MICALL2: variants seen among roughly 807,000 people sequenced by gnomAD.
The protein encoded by MICALL2 is MICAL like 2.
A neutral mutation model predicts 91.1 loss-of-function variants in MICALL2; 111 were observed. The ratio of observed to expected loss-of-function variants is 1.22; its 90% confidence interval spans 1.04 to 1.43. The LOEUF is 1.43. MICALL2 is among the 40% of genes most tolerant of loss of function. The probability of loss-of-function intolerance (pLI) is 0.00; values close to 1 mark genes in which losing one functional copy is unlikely to be tolerated. For synonymous variants in MICALL2, 694 were observed against 525.3 expected (o/e 1.32, Z -4.39); for missense variants, 1,556 against 1,236.0 (o/e 1.26, Z -3.88).
chr7:1,444,843 G>T lies in MICALL2; in HGVS notation c.1227C>A (p.Ser409=). The part of the protein sequence containing the change: ...ATVDPPAWTP[S]ASRTQQARNK... The stretch of plus-strand genomic sequence containing the variant: ...TCCGGGCCTGCTGGGTCCTGGAGGC[G>T]GACGGGGTCCAGGCTGGGGGGTCCA... The change falls in exon 6 of 17, where the codon TCC becomes TCA. Residue 409 remains serine, a synonymous_variant. Transcript: ENST00000297508. 1 of 1,607,110 alleles carries T rather than the reference G, an allele frequency of 6.2e-7. No homozygotes were observed. The highest frequency in any genetic ancestry group is 8.5e-7 in the Non-Finnish European group (1 of 1,178,190).
chr7:1,445,670 C>T (rs1780540923), intron 5 of MICALL2, among the ~76,000 whole-genome samples: 1 of 152,240 alleles, frequency 6.6e-6, no homozygotes, highest in Non-Finnish European at 1.5e-5. Context: ...TAACCACTTA[C>T]ATCACAAACC....
At position 1,440,022 on chromosome 7, in the gene MICALL2, C is replaced by A; in HGVS notation, c.1869G>T (p.Lys623Asn). 1.9e-6 allele frequency: 3 copies of A among 1,573,900 alleles called. No homozygotes were observed. The highest frequency in any genetic ancestry group is 2.4e-5 in the South Asian group (2 of 85,060). ...AEPRAGEAPR[K>N]VSGSFAGSVH... ...CACTCCCAGCAAAGCTGCCTGAGACCTTCCTGGGGGCCTCCCCCGCCCTCG... is the reference window on the plus strand; with the variant it reads ...CACTCCCAGCAAAGCTGCCTGAGACATTCCTGGGGGCCTCCCCCGCCCTCG... The change falls in exon 9 of 17, where the codon AAG (lysine) becomes AAT (asparagine). Residue 623 changes from lysine (K) to asparagine (N), a missense_variant. Transcript: ENST00000297508.
At chr7:1,459,117 GT>G in intron 1 of MICALL2, 66 bp downstream of exon 1, 1 of 1,497,558 alleles carries the variant, frequency 6.7e-7, no homozygotes, top group Non-Finnish European at 9.1e-7. Flanking sequence ...CCGGGCCTCA[GT>G]TTCCCCGCCC....
rs1780818427 is a variant in MICALL2 at position 1,451,341 on chromosome 7, G to A, written c.144-1053C>T. 6.6e-6 allele frequency among the ~76,000 whole-genome samples: 1 copy of A among 152,152 alleles called. No individual in the cohort carries two copies. Reference sequence around the variant, plus strand: ...AAAAACCACCAGGCTCCCAGCACGGGCTGCGGCTTCTGGGAGGGAGGGTTG... The same window carrying A: ...AAAAACCACCAGGCTCCCAGCACGGACTGCGGCTTCTGGGAGGGAGGGTTG... On this transcript the variant is annotated intron_variant, in intron 1 of 16. Transcript: ENST00000297508. This position sits in a 1 kb window ranked among gnomAD's most constrained non-coding sequence, Gnocchi z 4.5.
At chr7:1,434,981 A>ACCCCCCCCCCCCC in intron 16 of MICALL2, 120 bp downstream of exon 16, 7 of 372,302 alleles carry the variant, frequency 1.9e-5, no homozygotes, top group Non-Finnish European at 3.0e-5. Context: ...GGGACCCGAT[A>ACCCCCCCCCCCCC]CCCGCCCCCC....
At position 1,444,847 on chromosome 7, in the gene MICALL2, G is replaced by A. The variant is rs972243047; in HGVS notation, c.1223C>T (p.Pro408Leu). 24 of 1,605,950 alleles carry A rather than the reference G, an allele frequency of 1.5e-5. No individual in the cohort carries two copies. The highest frequency in any genetic ancestry group is 1.7e-4 in the Middle Eastern group (1 of 6,014). Residue 408 changes from proline (P) to leucine (L), a missense_variant, in exon 6 of 17, where the codon CCG becomes CTG. By Grantham distance (98) the Pro-to-Leu change is moderately conservative. Transcript: ENST00000297508. ...GGCCTGCTGGGTCCTGGAGGCGGAC[G>A]GGGTCCAGGCTGGGGGGTCCACCGT... ...AATVDPPAWT[P>L]SASRTQQARN...
At chr7:1,440,486 C>G (rs1461529959) in intron 8 of MICALL2, 105 bp downstream of exon 8, 7 of 1,000,102 alleles carry the variant, frequency 7.0e-6, no homozygotes, top group Non-Finnish European at 1.1e-5. Context: ...CAGGGAGGTG[C>G]GTCTATCCCT....
At chr7:1,437,310 T>A in intron 14 of MICALL2, 1 of 498,612 alleles carries the variant, frequency 2.0e-6, no homozygotes, top group Non-Finnish European at 3.6e-6. Flanking sequence ...ACAAGCATCC[T>A]CACTTTGCAG....
rs746201371 is a variant in MICALL2 at position 1,444,624 on chromosome 7, C to T, written c.1418+28G>A. 43 of 1,593,954 alleles carry T rather than the reference C, an allele frequency of 2.7e-5. No homozygotes were observed. The Admixed American group carries it at 3.1e-4, about 11-fold the overall frequency. The stretch of plus-strand genomic sequence containing the variant: ...CTGGCTGGTGCAAAGAGGCCATACC[C>T]GGGGTCCCTCGGTCCCCACGCGCTC... On this transcript the variant is annotated intron_variant, in intron 6 of 16. Coordinates refer to ENST00000297508, the MANE Select transcript of MICALL2 (RefSeq NM_182924.4).
At chr7:1,449,651 G>C (rs1008537906) in intron 2 of MICALL2, among the ~76,000 whole-genome samples, 3 of 152,282 alleles carry the variant, frequency 2.0e-5, no homozygotes, top group African/African-American at 4.8e-5. Flanking sequence ...CCAGCTCCGG[G>C]GGCAGGGACG....
In MICALL2 at chr7:1,440,615, A is replaced by G; in HGVS notation, c.1781T>C (p.Val594Ala). The G allele has an allele frequency of 6.2e-7, 1 of 1,612,510 alleles. No homozygotes were observed. Among genetic ancestry groups the G allele is most frequent in the South Asian group, 1.1e-5 (1 of 91,062 alleles). Residue 594 changes from valine (V) to alanine (A), a missense_variant, in exon 8 of 17, where the codon GTG becomes GCG. Val to Ala is a moderately conservative substitution (Grantham distance 64). Transcript: ENST00000297508. ...PAGWRANLKP[V>A]DRRSPAERTL... is the part of the protein sequence containing the mutation. ...CCTCTCAGCTGGGCTTCTCCTGTCC[A>G]CGGGCTTCAGATTCGCTCTCCATCC...
intron 10 of MICALL2, chr7:1,438,620 T>C: frequency 7.0e-7 from 1 of 1,419,546 alleles, no homozygotes; most frequent in African/African-American, 1.4e-5. Context: ...GAAGCAGACA[T>C]TCCATCATCA....
At position 1,447,664 on chromosome 7, in the gene MICALL2, G is replaced by A. The variant is rs1780661669; in HGVS notation, c.436C>T (p.Pro146Ser). The A allele has an allele frequency of 6.3e-7, 1 of 1,586,924 alleles. No individual in the cohort carries two copies. The highest frequency in any genetic ancestry group is 1.3e-5 in the African/African-American group (1 of 74,638). Residue 146 changes from proline to serine, a missense_variant, in exon 4 of 17, where the codon CCA (proline) becomes TCA (serine). Coordinates refer to ENST00000297508, the MANE Select transcript of MICALL2 (RefSeq NM_182924.4). ...VQAAKLPSPA[P>S]ARKPPLSPAQ... is the part of the protein sequence containing the mutation. The stretch of plus-strand genomic sequence containing the variant: ...GGAGATAGTGGAGGCTTCCGGGCTG[G>A]GGCGGGCGAGGGCAGCTTGGCCGCC...
intron 10 of MICALL2, 29 bp downstream of exon 10, chr7:1,438,811 C>T (rs754960096): frequency 1.9e-6 from 3 of 1,578,836 alleles, no homozygotes; most frequent in Non-Finnish European, 2.6e-6. Flanking sequence ...ACGTACACCC[C>T]AAACAGCAGC....
intron 16 of MICALL2, 146 bp from the exon 17 acceptor site, chr7:1,434,818 C>G (rs1779885763): frequency 2.3e-6 from 2 of 886,650 alleles, no homozygotes; most frequent in Non-Finnish European, 3.4e-6. Context: ...GCCCTGTGCC[C>G]TCCCACGTGA....
chr7:1,444,692 G>A lies in MICALL2; in HGVS notation c.1378C>T (p.Leu460Phe), dbSNP rs189579428. The A allele has an allele frequency of 8.1e-6, 13 of 1,611,972 alleles. No homozygotes were observed. The highest frequency in any genetic ancestry group is 8.5e-7 in the Non-Finnish European group (1 of 1,179,842). ...EQARNFLKQA[L>F]SALEEAGAPA... ...GCGCCAGCCTCTTCCAGCGCTGAGA[G>A]GGCCTGCTTGAGGAAGTTCCGCGCC... The change falls in exon 6 of 17, where the codon CTC becomes TTC. Residue 460 changes from leucine to phenylalanine, a missense_variant. Coordinates refer to ENST00000297508, the MANE Select transcript of MICALL2 (RefSeq NM_182924.4).
chr7:1,441,700 A>T (rs1780285400), intron 7 of MICALL2: 1 of 177,298 alleles, frequency 5.6e-6, no homozygotes, highest in Non-Finnish European at 1.2e-5. Flanking sequence ...GACGGGGCAT[A>T]GGGCACCGTC....
rs912084715 is a variant in MICALL2, at chr7:1,444,839, A to G, written c.1231T>C (p.Ser411Pro). ...VDPPAWTPSA[S>P]RTQQARNKFF... ...TTATTCCGGGCCTGCTGGGTCCTGGAGGCGGACGGGGTCCAGGCTGGGGGG... is the reference window on the plus strand; with the variant it reads ...TTATTCCGGGCCTGCTGGGTCCTGGGGGCGGACGGGGTCCAGGCTGGGGGG... Residue 411 changes from serine to proline, a missense_variant, in exon 6 of 17, where the codon TCC becomes CCC. By Grantham distance (74) the Ser-to-Pro change is moderately conservative. Transcript: ENST00000297508. 1 of 1,608,032 alleles carries G rather than the reference A, an allele frequency of 6.2e-7. No homozygotes were observed. The highest frequency in any genetic ancestry group is 8.5e-7 in the Non-Finnish European group (1 of 1,178,454).
chr7:1,440,470 T>C (rs571339102), intron 8 of MICALL2, 121 bp downstream of exon 8: 2 of 882,676 alleles, frequency 2.3e-6, no homozygotes, highest in East Asian at 5.2e-5. Context: ...TGGCCTCTGC[T>C]ACTCACAGGG....
Sources: gnomAD v4.1 joint callset for allele counts (sites outside exome capture counted in the v4.1 genomes callset) on GRCh38, gnomAD v4.1.1 for gene constraint, Gnocchi (gnomAD v3.1) non-coding constraint, MANE v1.5 for transcripts, NCBI Gene and HGNC (gene_info 2026-07-23, HGNC 2026-07-21) for gene names.